INTS6: variants seen among roughly 807,000 people sequenced by gnomAD.
The protein encoded by INTS6 is integrator complex subunit 6.
A neutral mutation model predicts 104.9 loss-of-function variants in INTS6; 16 were observed. That is an observed-to-expected ratio of 0.15 (90% CI 0.10 to 0.23). The LOEUF (loss-of-function observed/expected upper bound fraction) is 0.23. Among genes scored for constraint, INTS6 ranks in the 10% least tolerant of loss-of-function variants. The pLI is 1.00. For missense variants in INTS6, 584 were observed against 1,062.8 expected, an observed-to-expected ratio of 0.55 and a Z score of 6.26; for synonymous variants, 324 against 358.7, an observed-to-expected ratio of 0.90 and a Z score of 1.09.
At chr13:51,443,091 C>T (rs1566252508) in intron 3 of INTS6, 1 of 152,152 alleles carries the variant, frequency 6.6e-6, no homozygotes, top group Non-Finnish European at 1.5e-5. Context: ...ACTGCTTATA[C>T]ATTTAAATAA....
the INTS6 span, among the ~76,000 whole-genome samples, chr13:51,338,560 T>TG: frequency 6.6e-6 from 1 of 152,152 alleles, no homozygotes; most frequent in Non-Finnish European, 1.5e-5. Flanking sequence ...GATGGACAGA[T>TG]GGACAGATGG....
chr13:51,407,932 G>A (rs891483431), intron 4 of INTS6, among the ~76,000 whole-genome samples: 3 of 150,122 alleles, frequency 2.0e-5, no homozygotes, highest in Non-Finnish European at 3.0e-5. Flanking sequence ...CTGGAGAATC[G>A]CTTGAACCCA....
the INTS6 span, chr13:51,346,954 GCA>G: frequency 8.7e-7 from 1 of 1,153,734 alleles, no homozygotes; most frequent in Non-Finnish European, 1.3e-6. Context: ...CTCCTTGTCC[GCA>G]CACACACTGG....
chr13:51,399,905 G>C (rs1956406055), intron 4 of INTS6, among the ~76,000 whole-genome samples: 1 of 152,142 alleles, frequency 6.6e-6, no homozygotes, highest in African/African-American at 2.4e-5. Context: ...TTGGAGGATT[G>C]TTAATCTATT....
chr13:51,348,163 T>C, the INTS6 span: 1 of 1,430,972 alleles, frequency 7.0e-7, no homozygotes, highest in Middle Eastern at 1.8e-4. Context: ...CACTGGTTCA[T>C]TCTCCTGGCT....
intron 3 of INTS6, among the ~76,000 whole-genome samples, chr13:51,433,367 G>A (rs1214574997): frequency 6.6e-6 from 1 of 152,238 alleles, no homozygotes; most frequent in Non-Finnish European, 1.5e-5. Flanking sequence ...AGAATCCCTT[G>A]AACCCAGAAG....
At chr13:51,391,350 A>C (rs1004367817) in intron 5 of INTS6, among the ~76,000 whole-genome samples, 2 of 152,164 alleles carry the variant, frequency 1.3e-5, no homozygotes, top group Non-Finnish European at 2.9e-5. Flanking sequence ...TAAGCAAATC[A>C]ATCTTAACAC....
intron 4 of INTS6, among the ~76,000 whole-genome samples, chr13:51,404,353 T>A (rs946200206): frequency 2.0e-4 from 31 of 151,318 alleles, no homozygotes; most frequent in African/African-American, 7.5e-4. Context: ...GATACAAAGT[T>A]TCCATGCTAA....
intron 3 of INTS6, chr13:51,450,744 T>C (rs1953024132): frequency 9.5e-7 from 1 of 1,052,232 alleles, no homozygotes; most frequent in South Asian, 4.4e-5. Context: ...TCCTTTTAGG[T>C]CTTTACTGAA....
At chr13:51,438,381 A>C (rs1221869680) in intron 3 of INTS6, 1 of 152,172 alleles carries the variant, frequency 6.6e-6, no homozygotes, top group Non-Finnish European at 1.5e-5. Context: ...AGCCTTCCTA[A>C]CTATACATAC....
At chr13:51,356,969 T>C (rs1955490467), downstream of INTS6, among the ~76,000 whole-genome samples, 1 of 152,120 alleles carries the variant, frequency 6.6e-6, no homozygotes, top group Non-Finnish European at 1.5e-5. Flanking sequence ...GAAGTTTTGT[T>C]CCTCTAAAGC....
chr13:51,399,733 C>T (rs1298047517), intron 4 of INTS6, among the ~76,000 whole-genome samples: 3 of 143,800 alleles, frequency 2.1e-5, no homozygotes, highest in East Asian at 4.0e-4. Context: ...CGTGTGTGTG[C>T]GTGTGTGTAG....
chr13:51,451,917 G>A (rs1953063562), intron 2 of INTS6, 61 bp downstream of exon 2: 7 of 1,267,044 alleles, frequency 5.5e-6, no homozygotes, highest in African/African-American at 1.5e-5. Flanking sequence ...GGGGCGGGGA[G>A]GGCGAGCGAG....
chr13:51,385,516 T>C (rs1353752942), intron 7 of INTS6, among the ~76,000 whole-genome samples: 1 of 151,300 alleles, frequency 6.6e-6, no homozygotes, highest in East Asian at 1.9e-4. Flanking sequence ...GCCAAGAAAA[T>C]TTTGCATATA....
In INTS6 at chr13:51,430,863, T is replaced by C. The variant is rs1048470598; in HGVS notation, c.340-480A>G. The stretch of plus-strand genomic sequence containing the variant: ...CTAAGCAAATAACTAGGTAAATGAT[T>C]TGAAAGATTTTAAGAGCTATTTCTA... On this transcript the variant is annotated intron_variant, in intron 3 of 17. Coordinates refer to ENST00000311234, the MANE Select transcript of INTS6 (RefSeq NM_012141.3). Among the ~76,000 whole-genome samples, 203 of 152,158 alleles carry C rather than the reference T, an allele frequency of 1.3e-3. 1 individual carries two copies. The highest frequency in any genetic ancestry group is 4.6e-3 in the African/African-American group (190 of 41,438).
At chr13:51,374,149 C>T in intron 15 of INTS6, 59 bp downstream of exon 15, 1 of 1,331,130 alleles carries the variant, frequency 7.5e-7, no homozygotes, top group Non-Finnish European at 1.1e-6. Flanking sequence ...ACAAAAATAT[C>T]TTCCTTGAAA....
intron 11 of INTS6, among the ~76,000 whole-genome samples, chr13:51,378,789 T>C (rs1276936358): frequency 5.3e-5 from 8 of 152,006 alleles, no homozygotes; most frequent in African/African-American, 1.9e-4. Flanking sequence ...GGGGTGACGG[T>C]AAATTATTTT....
rs74084858 is a variant in INTS6, at chr13:51,435,243, T to C, written c.340-4860A>G. ...AATTCACGTTTTACTCTCAGAGCAG[T>C]GGTTCCTGTCATAAAGAAATCCAAA... On this transcript the variant is annotated intron_variant, in intron 3 of 17. Coordinates refer to ENST00000311234, the MANE Select transcript of INTS6 (RefSeq NM_012141.3). Among the ~76,000 whole-genome samples the C allele has an allele frequency of 5.9e-3, 892 of 152,144 alleles. 11 individuals carry two copies. The highest frequency in any genetic ancestry group is 0.021 in the African/African-American group (855 of 41,560).
chr13:51,451,838 C>A (rs1447497247), intron 2 of INTS6, 140 bp downstream of exon 2: 1 of 468,670 alleles, frequency 2.1e-6, no homozygotes, highest in African/African-American at 2.2e-5. Flanking sequence ...TGGGAGCCCG[C>A]AGGGAAGAGA....
Sources: gnomAD v4.1 joint callset for allele counts (sites outside exome capture counted in the v4.1 genomes callset) on GRCh38, gnomAD v4.1.1 for gene constraint, MANE v1.5 for transcripts, NCBI Gene and HGNC (gene_info 2026-07-23, HGNC 2026-07-21) for gene names.